Variants in NREP observed in about 807,000 individuals in gnomAD.
NREP encodes neuronal regeneration related protein.
A neutral mutation model predicts 8.6 loss-of-function variants in NREP; 5 were observed. The observed-to-expected ratio is 0.58, with a 90% CI of 0.30 to 1.22. NREP has a LOEUF of 1.22. Among genes scored for constraint, NREP ranks in the 50% most tolerant of loss-of-function variants. NREP has a pLI of 0.07. For missense variants in NREP, 86 were observed against 82.5 expected (o/e 1.04, Z -0.17); for synonymous variants, 27 against 28.0 (o/e 0.96, Z 0.11).
In NREP at chr5:111,976,667, A is replaced by T. The variant is rs979480493; in HGVS notation, c.30+43T>A. ...CTATAATTGTTTTCTTCCTTTAAAA[A>T]TGTCCCCTCATATGCATACACAGTA... On this transcript the variant is annotated intron_variant, in intron 1 of 3. Transcript: ENST00000395634. 2.8e-5 allele frequency: 42 copies of T among 1,494,524 alleles called. No homozygotes were observed. The Admixed American group carries it at 5.9e-4, about 21-fold the overall frequency. The allele number at this position is 1,494,524 out of a possible 1,614,324, so 92.6% of individuals were successfully genotyped here.
chr5:111,861,449 T>C (rs2112481742), intron 2 of NREP, among the ~76,000 whole-genome samples: 1 of 152,278 alleles, frequency 6.6e-6, no homozygotes, highest in East Asian at 1.9e-4. Flanking sequence ...CAGGAAAGTC[T>C]TCCTTGATCT....
intron 2 of NREP, among the ~76,000 whole-genome samples, chr5:111,834,647 ATAT>A (rs1487433824): frequency 6.6e-6 from 1 of 152,142 alleles, no homozygotes; most frequent in Non-Finnish European, 1.5e-5. Context: ...GTAGGGTGAA[ATAT>A]TATGAAACTT....
At chr5:111,799,920 T>C (rs1002879529) in intron 2 of NREP, among the ~76,000 whole-genome samples, 3 of 152,124 alleles carry the variant, frequency 2.0e-5, no homozygotes, top group African/African-American at 7.2e-5. Flanking sequence ...TTTAATGAAA[T>C]GTAATTTTTG....
chr5:111,914,621 TC>T (rs1755000530), intron 2 of NREP, among the ~76,000 whole-genome samples: 1 of 152,078 alleles, frequency 6.6e-6, no homozygotes, highest in Non-Finnish European at 1.5e-5. Flanking sequence ...TCTCCTTTTT[TC>T]GTTGTACTCT....
chr5:111,910,781 A>C (rs1018000634), intron 2 of NREP, among the ~76,000 whole-genome samples: 5 of 152,052 alleles, frequency 3.3e-5, no homozygotes, highest in African/African-American at 1.2e-4. Flanking sequence ...GACCTTATCT[A>C]TCTTGGTCAC....
intron 2 of NREP, among the ~76,000 whole-genome samples, chr5:111,748,020 G>A (rs527464283): frequency 6.7e-4 from 102 of 152,220 alleles, no homozygotes; most frequent in East Asian, 4.3e-3. Context: ...TGTGCTGCCC[G>A]CTGGAAAAGC....
At chr5:111,960,671 T>C (rs1047036296) in intron 2 of NREP, among the ~76,000 whole-genome samples, 2 of 152,176 alleles carry the variant, frequency 1.3e-5, no homozygotes, top group African/African-American at 4.8e-5. Flanking sequence ...ACTGGAGCAG[T>C]TGTGACAAAT....
At chr5:111,757,794 C>G, upstream of NREP, 12 of 973,992 alleles carry the variant, frequency 1.2e-5, no homozygotes, top group Non-Finnish European at 1.5e-5. Flanking sequence ...GCCTCTCCGC[C>G]TCGACGTGCG....
intron 1 of NREP, among the ~76,000 whole-genome samples, chr5:111,975,722 C>T (rs1332238631): frequency 2.0e-5 from 3 of 152,100 alleles, no homozygotes; most frequent in Non-Finnish European, 4.4e-5. Context: ...CCATATTTTC[C>T]ATTTCTTAAC....
At chr5:111,832,202 C>T (rs1324827917) in intron 2 of NREP, among the ~76,000 whole-genome samples, 2 of 152,044 alleles carry the variant, frequency 1.3e-5, no homozygotes, top group Non-Finnish European at 2.9e-5. Flanking sequence ...GAAAAAAGGA[C>T]ATTAATGAGC....
At chr5:111,879,452 G>T (rs1225931769) in intron 2 of NREP, among the ~76,000 whole-genome samples, 1 of 152,190 alleles carries the variant, frequency 6.6e-6, no homozygotes. Context: ...AGTGCTCAAT[G>T]ATAAGGATAA....
Position 111,918,463 on chromosome 5 carries a change from C to T in NREP, c.135+56811G>A, listed in dbSNP as rs1335694850. Among the ~76,000 whole-genome samples the T allele has an allele frequency of 2.0e-5, 3 of 152,208 alleles. No homozygotes were observed. In the East Asian group the frequency reaches 5.8e-4, roughly 29 times the overall value. On this transcript the variant is annotated intron_variant, in intron 2 of 3. Coordinates refer to the NREP transcript ENST00000395634. ...GCTACCTGACTTCAAACTAACTATA[C>T]TACATGGCTACAGTAACCAAAACAG...
At chr5:111,866,158 A>C (rs1341169352) in intron 2 of NREP, among the ~76,000 whole-genome samples, 2 of 152,184 alleles carry the variant, frequency 1.3e-5, no homozygotes, top group African/African-American at 4.8e-5. Flanking sequence ...AATGGGATCT[A>C]ATTAAACTAA....
chr5:111,880,616 C>A (rs1241139364), intron 2 of NREP, among the ~76,000 whole-genome samples: 1 of 152,038 alleles, frequency 6.6e-6, no homozygotes, highest in Admixed American at 6.6e-5. Context: ...CAACTAAATC[C>A]TTTAAGACCA....
intron 2 of NREP, among the ~76,000 whole-genome samples, chr5:111,899,364 A>G (rs144150217): frequency 1.3e-5 from 2 of 152,272 alleles, no homozygotes; most frequent in East Asian, 3.9e-4. Flanking sequence ...ACATTTAAAA[A>G]TTAGTCAGGT....
chr5:111,822,363 C>G (rs1201234862), intron 2 of NREP, among the ~76,000 whole-genome samples: 1 of 152,150 alleles, frequency 6.6e-6, no homozygotes, highest in Non-Finnish European at 1.5e-5. Context: ...GACTGAGAAG[C>G]TGAGAAGACC....
At chr5:111,903,132 G>A (rs140812067) in intron 2 of NREP, among the ~76,000 whole-genome samples, 1 of 134,798 alleles carries the variant, frequency 7.4e-6, no homozygotes, top group East Asian at 2.3e-4. Flanking sequence ...AACCCAGGCT[G>A]GTGTTCAGTG....
At chr5:111,749,626 A>G (rs965742667) in intron 2 of NREP, among the ~76,000 whole-genome samples, 1 of 152,168 alleles carries the variant, frequency 6.6e-6, no homozygotes, top group African/African-American at 2.4e-5. Context: ...GAAGAAATGG[A>G]AAGAGAAAAG....
At chr5:111,753,410 T>G (rs1302864934) in intron 2 of NREP, among the ~76,000 whole-genome samples, 1 of 148,302 alleles carries the variant, frequency 6.7e-6, no homozygotes, top group Non-Finnish European at 1.5e-5. Flanking sequence ...TATAGATATA[T>G]AAATGATACA....
Sources: allele counts gnomAD v4.1 joint callset (sites outside exome capture counted in the v4.1 genomes callset), GRCh38; gene constraint gnomAD v4.1.1; transcripts MANE v1.5; gene names NCBI Gene and HGNC (gene_info 2026-07-23, HGNC 2026-07-21).